Variants in TES observed in about 807,000 individuals in gnomAD.
TES encodes testin.
In TES, 41 loss-of-function variants were observed where a neutral mutation model predicts 48.2. The ratio of observed to expected loss-of-function variants is 0.85; its 90% CI spans 0.66 to 1.10. The LOEUF is 1.10. Ranked by LOEUF, TES falls within the 50% of genes least tolerant of loss-of-function variation. The probability of loss-of-function intolerance (pLI) is 0.00; values close to 1 mark genes in which losing one functional copy is unlikely to be tolerated. For synonymous variants in TES, 162 were observed against 174.9 expected (o/e 0.93, Z 0.58); for missense variants, 463 against 515.1 (o/e 0.90, Z 0.98).
intron 2 of TES, chr7:116,237,930 T>C (rs924750385): frequency 6.6e-6 from 1 of 152,194 alleles, no homozygotes; most frequent in Non-Finnish European, 1.5e-5. Flanking sequence ...ACGTTCACCT[T>C]GTGACATCTT....
chr7:116,247,591 C>A (rs1443752734), intron 2 of TES, among the ~76,000 whole-genome samples: 1 of 151,724 alleles, frequency 6.6e-6, no homozygotes, highest in Non-Finnish European at 1.5e-5. Context: ...TTGAAAAAAT[C>A]TTGGTTGGTT....
In TES at chr7:116,257,647, C is replaced by A; in HGVS notation, c.*165C>A. On this transcript the variant is annotated 3_prime_UTR_variant, in exon 7 of 7. Transcript: ENST00000358204. ...CATTTTTTCTTCATCAATTTTTTTT[C>A]GGTCTCAACTTTTAAACTTGGTTTA... The A allele has an allele frequency of 3.7e-6, 2 of 540,766 alleles. No individual in the cohort carries two copies. Among genetic ancestry groups the A allele is most frequent in the South Asian group, 4.3e-5 (1 of 23,214 alleles). 33.5% of individuals were successfully genotyped at this position (540,766 alleles called of 1,614,324 possible).
At chr7:116,231,158 GC>G (rs1799695212) in intron 1 of TES, among the ~76,000 whole-genome samples, 1 of 152,250 alleles carries the variant, frequency 6.6e-6, no homozygotes, top group South Asian at 2.1e-4. Flanking sequence ...GAGTAGCTGT[GC>G]AACCAGGAGC....
At chr7:116,216,953 A>G (rs895152715) in intron 1 of TES, among the ~76,000 whole-genome samples, 1 of 151,632 alleles carries the variant, frequency 6.6e-6, no homozygotes, top group South Asian at 2.1e-4. Context: ...TTAAAAGATT[A>G]AAAAAAAACT....
chr7:116,221,350 A>G (rs935948808), intron 1 of TES, among the ~76,000 whole-genome samples: 2 of 152,192 alleles, frequency 1.3e-5, no homozygotes, highest in African/African-American at 2.4e-5. Context: ...GTGGTCCCGT[A>G]TAGGGAATTG....
At chr7:116,222,177 C>A (rs1176550111) in intron 1 of TES, among the ~76,000 whole-genome samples, 1 of 152,154 alleles carries the variant, frequency 6.6e-6, no homozygotes, top group Non-Finnish European at 1.5e-5. Flanking sequence ...CTCTCCCTTC[C>A]TTTCCTGGTT....
Position 116,252,450 on chromosome 7 carries a change from C to A in TES, c.1051C>A (p.Pro351Thr), listed in dbSNP as rs988691762. 6.2e-7 allele frequency: 1 copy of A among 1,614,072 alleles called. No individual in the cohort carries two copies. Among genetic ancestry groups the A allele is most frequent in the East Asian group, 2.2e-5 (1 of 44,890 alleles). ...VMVNDKPVCK[P>T]CYVKNHAVVC... ...GGTCAATGACAAGCCCGTGTGCAAG[C>A]CCTGCTATGTGAAGAATCACGCTGT... The change falls in exon 6 of 7, where the codon CCC becomes ACC. Residue 351 changes from proline to threonine, a missense_variant. Coordinates refer to ENST00000358204, the MANE Select transcript of TES (RefSeq NM_015641.4).
chr7:116,252,205 A>C (rs1450214884), intron 5 of TES, 113 bp from the exon 6 acceptor site: 2 of 1,210,564 alleles, frequency 1.7e-6, no homozygotes, highest in African/African-American at 3.1e-5. Flanking sequence ...TGATAGCATA[A>C]GTTCAAGCTT....
chr7:116,243,364 T>C (rs1174182200), intron 2 of TES, among the ~76,000 whole-genome samples: 3 of 152,190 alleles, frequency 2.0e-5, no homozygotes. Flanking sequence ...CACCACTCCC[T>C]ACTCCTCTGT....
chr7:116,251,041 A>G (rs1197209646), intron 4 of TES, among the ~76,000 whole-genome samples: 1 of 152,216 alleles, frequency 6.6e-6, no homozygotes, highest in East Asian at 1.9e-4. Flanking sequence ...TAAGAACTAA[A>G]CCTGCTGTAA....
At chr7:116,252,250 A>G in intron 5 of TES, 68 bp from the exon 6 acceptor site, 1 of 1,482,594 alleles carries the variant, frequency 6.7e-7, no homozygotes, top group South Asian at 1.4e-5. Flanking sequence ...ACCCTGAGAA[A>G]GTATGTTGTT....
chr7:116,229,033 T>TAA (rs1554436735), intron 1 of TES, among the ~76,000 whole-genome samples: 4,031 of 112,720 alleles, frequency 0.036, 200 homozygotes, highest in African/African-American at 0.089. Flanking sequence ...TATATATATA[T>TAA]AATCATTTCC....
At chr7:116,235,040 T>G (rs558787050) in intron 2 of TES, among the ~76,000 whole-genome samples, 55 of 152,314 alleles carry the variant, frequency 3.6e-4, no homozygotes, top group African/African-American at 1.3e-3. Context: ...CGCTTCCTGG[T>G]TCAAGCGATT....
At chr7:116,229,431 G>A (rs1799668956) in intron 1 of TES, among the ~76,000 whole-genome samples, 1 of 152,154 alleles carries the variant, frequency 6.6e-6, no homozygotes, top group Non-Finnish European at 1.5e-5. Flanking sequence ...CTGGGTCCTG[G>A]ACTTCAGGGA....
intron 2 of TES, among the ~76,000 whole-genome samples, chr7:116,237,219 ATGGTGATCCTTGACTTAG>A (rs1799783395): frequency 6.6e-6 from 1 of 152,138 alleles, no homozygotes; most frequent in Non-Finnish European, 1.5e-5. Context: ...CTCCAGCTTC[ATGGTGATCCTTGACTTAG>A]GACCCTGAGG....
At chr7:116,226,352 G>A (rs193121087) in intron 1 of TES, among the ~76,000 whole-genome samples, 1 of 152,152 alleles carries the variant, frequency 6.6e-6, no homozygotes, top group Non-Finnish European at 1.5e-5. Flanking sequence ...GATAGTTAAA[G>A]AAAGGTATCA....
intron 3 of TES, 109 bp from the exon 4 acceptor site, chr7:116,250,052 T>C: frequency 2.3e-6 from 2 of 869,006 alleles, no homozygotes; most frequent in Non-Finnish European, 1.6e-6. Flanking sequence ...GTTGCTGCTA[T>C]TGGATAGAAC....
rs777295376 is a variant in TES at position 116,252,470 on chromosome 7, C to T, written c.1071C>T (p.His357=). ...GCAAGCCCTGCTATGTGAAGAATCA[C>T]GCTGTGGTGAGAAGTGTTCTAAGGA... is the stretch of plus-strand genomic sequence containing the variant. ...PVCKPCYVKN[H]AVVCQGCHNA... Residue 357 remains histidine (H), a synonymous_variant, in exon 6 of 7, where the codon CAC becomes CAT. Coordinates refer to ENST00000358204, the MANE Select transcript of TES (RefSeq NM_015641.4). The T allele has an allele frequency of 2.1e-5, 34 of 1,614,072 alleles. No individual in the cohort carries two copies. The East Asian group carries it at 2.2e-4, about 11-fold the overall frequency.
intron 2 of TES, among the ~76,000 whole-genome samples, chr7:116,239,637 G>A (rs1238128735): frequency 2.6e-5 from 4 of 152,184 alleles, no homozygotes; most frequent in Non-Finnish European, 4.4e-5. Context: ...CCAGGCTGTC[G>A]CCTCTGAAGT....
Sources: allele counts gnomAD v4.1 joint callset (sites outside exome capture counted in the v4.1 genomes callset), GRCh38; gene constraint gnomAD v4.1.1; transcripts MANE v1.5; gene names NCBI Gene and HGNC (gene_info 2026-07-23, HGNC 2026-07-21).